ANKRD36: variants seen among roughly 807,000 people sequenced by gnomAD.
The protein encoded by ANKRD36 is ankyrin repeat domain 36, also known as ankyrin repeat domain-containing protein 36A.
ANKRD36 carries 179 observed loss-of-function variants against 278.1 expected under a neutral mutation model. The observed-to-expected ratio is 0.64, with a 90% CI of 0.57 to 0.73. The LOEUF (loss-of-function observed/expected upper bound fraction) is 0.73, where lower values mean the gene tolerates loss of function less well. Ranked by LOEUF, ANKRD36 falls within the 30% of genes least tolerant of loss-of-function variation. The probability of loss-of-function intolerance (pLI) is 0.00; values close to 1 mark genes in which losing one functional copy is unlikely to be tolerated. For synonymous variants in ANKRD36, 320 were observed against 641.1 expected, an observed-to-expected ratio of 0.50 and a Z score of 7.57; for missense variants, 1,159 against 1,956.7, an observed-to-expected ratio of 0.59 and a Z score of 7.69.
chr2:97,248,325 G>GT (rs2075571732), intron 72 of ANKRD36: 1 of 114,012 alleles, frequency 8.8e-6, no homozygotes, highest in Non-Finnish European at 1.5e-5. Context: ...CAAAGGATGG[G>GT]TTTGAGATGT....
intron 22 of ANKRD36, among the ~76,000 whole-genome samples, chr2:97,174,578 C>G (rs1463797740): frequency 1.3e-5 from 2 of 151,766 alleles, no homozygotes; most frequent in Non-Finnish European, 2.9e-5. Flanking sequence ...CAAACAGGGA[C>G]AATTTGACTT....
chr2:97,113,155 C>T lies in ANKRD36; in HGVS notation c.-585C>T, dbSNP rs1020411185. 6.6e-6 allele frequency among the ~76,000 whole-genome samples: 1 copy of T among 152,138 alleles called. No individual in the cohort carries two copies. The highest frequency in any genetic ancestry group is 2.1e-4 in the South Asian group (1 of 4,810). On this transcript the variant is annotated 5_prime_UTR_variant, in exon 1 of 76. Transcript: ENST00000420699. ...CCACGGGAGCCCCGCCAGCCCCCGC[C>T]GGAGCCCGAGCTGCAGTGCCGCCTA...
intron 40 of ANKRD36, 132 bp from the exon 41 acceptor site, chr2:97,196,461 A>G (rs1391181150): frequency 2.0e-6 from 3 of 1,508,302 alleles, no homozygotes; most frequent in Non-Finnish European, 9.0e-7. Context: ...GTCCCCAGAC[A>G]CAAAGTAGAA....
chr2:97,218,957 A>G, intron 64 of ANKRD36, 93 bp from the exon 65 acceptor site: 1 of 1,498,358 alleles, frequency 6.7e-7, no homozygotes, highest in Non-Finnish European at 9.0e-7. Flanking sequence ...AATACAGGCA[A>G]GAGTATTCAG....
At chr2:97,259,035 C>T (rs1271480828) in intron 75 of ANKRD36, among the ~76,000 whole-genome samples, 2 of 143,638 alleles carry the variant, frequency 1.4e-5, no homozygotes, top group Non-Finnish European at 3.0e-5. Context: ...CCATAATTGC[C>T]ATAGGCATTT....
At chr2:97,133,942 C>G (rs2040833931) in intron 6 of ANKRD36, among the ~76,000 whole-genome samples, 1 of 152,044 alleles carries the variant, frequency 6.6e-6, no homozygotes, top group Non-Finnish European at 1.5e-5. Flanking sequence ...CACCCAAAGT[C>G]CATAGTTTAT....
chr2:97,136,027 A>T (rs1251754435), intron 6 of ANKRD36, among the ~76,000 whole-genome samples: 2 of 151,826 alleles, frequency 1.3e-5, no homozygotes, highest in Non-Finnish European at 2.9e-5. Flanking sequence ...GGCAGCCTCC[A>T]GATGGCTTCA....
intron 42 of ANKRD36, among the ~76,000 whole-genome samples, chr2:97,197,916 T>C (rs550751628): frequency 2.3e-3 from 354 of 151,928 alleles, no homozygotes; most frequent in Non-Finnish European, 3.4e-3. Context: ...CTACTAGATA[T>C]CTGCAAACAT....
intron 36 of ANKRD36, 104 bp downstream of exon 36, chr2:97,191,285 A>G (rs2058462800): frequency 1.7e-5 from 21 of 1,269,364 alleles, no homozygotes; most frequent in Middle Eastern, 2.8e-4. Context: ...GCACATTATC[A>G]TTCAGCTGTC....
In ANKRD36 at chr2:97,144,698, A is replaced by G. The variant is rs2043805818; in HGVS notation, c.989A>G (p.Gln330Arg). 6.5e-7 allele frequency: 1 copy of G among 1,544,262 alleles called. No individual in the cohort carries two copies. Among genetic ancestry groups the G allele is most frequent in the Non-Finnish European group, 8.7e-7 (1 of 1,146,316 alleles). The change falls in exon 10 of 76, where the codon CAA (glutamine) becomes CGA (arginine). Residue 330 changes from glutamine (Q) to arginine (R), a missense_variant. Coordinates refer to ENST00000420699, the MANE Select transcript of ANKRD36 (RefSeq NM_001354587.1). ...SNTATEIKDEQKSGTVLPAVE... is the reference protein window; with the variant it reads ...SNTATEIKDERKSGTVLPAVE... ...ACAGCCACAGAAATAAAAGATGAAC[A>G]AAAATCTGGGACAGGTAATTTTGCA...
chr2:97,197,693 G>C (rs567532446), intron 42 of ANKRD36, among the ~76,000 whole-genome samples: 2 of 152,008 alleles, frequency 1.3e-5, no homozygotes, highest in Admixed American at 6.6e-5. Flanking sequence ...TGTGATTTCT[G>C]AATGAAAAAC....
rs1442751874 is a variant in ANKRD36, at chr2:97,152,438, T to C, written c.1163-66T>C. 6.7e-6 allele frequency: 9 copies of C among 1,334,616 alleles called. No individual in the cohort carries two copies. In the South Asian group the frequency reaches 1.2e-4, roughly 17 times the overall value. 82.7% of individuals were successfully genotyped at this position (1,334,616 alleles called of 1,614,324 possible). On this transcript the variant is annotated intron_variant, in intron 13 of 75. Coordinates refer to ENST00000420699, the MANE Select transcript of ANKRD36 (RefSeq NM_001354587.1). ...ATAGGAACAAGCCACTGTGCTCTTT[T>C]ATGTTTTTAGTATTCTATAGTGTTC...
At chr2:97,153,781 A>G (rs969718543) in intron 14 of ANKRD36, among the ~76,000 whole-genome samples, 6 of 147,886 alleles carry the variant, frequency 4.1e-5, no homozygotes, top group Admixed American at 2.7e-4. Context: ...TTGAAGATGT[A>G]GATTGGAGAT....
At chr2:97,144,036 A>C (rs199784901) in intron 8 of ANKRD36, among the ~76,000 whole-genome samples, 6 of 123,276 alleles carry the variant, frequency 4.9e-5, no homozygotes, top group Non-Finnish European at 7.3e-5. Context: ...TGTACATTCA[A>C]CTAAAGTGCC....
intron 54 of ANKRD36, among the ~76,000 whole-genome samples, chr2:97,208,647 G>A (rs1160971013): frequency 5.5e-5 from 8 of 146,438 alleles, no homozygotes; most frequent in Non-Finnish European, 1.2e-4. Context: ...ACACCACACT[G>A]ACCCATTACT....
At chr2:97,209,619 A>T in intron 54 of ANKRD36, 62 bp from the exon 55 acceptor site, 2 of 1,575,484 alleles carry the variant, frequency 1.3e-6, no homozygotes, top group South Asian at 1.1e-5. Flanking sequence ...ACACTGTGTG[A>T]ATGTATGGAT....
intron 67 of ANKRD36, among the ~76,000 whole-genome samples, chr2:97,226,184 C>A (rs1190005513): frequency 2.0e-5 from 3 of 151,308 alleles, no homozygotes; most frequent in African/African-American, 7.3e-5. Flanking sequence ...GTTCTAGATC[C>A]CTGAGGAATC....
intron 67 of ANKRD36, among the ~76,000 whole-genome samples, chr2:97,225,872 A>G (rs1389439240): frequency 1.3e-5 from 2 of 150,492 alleles, no homozygotes; most frequent in Admixed American, 1.3e-4. Flanking sequence ...GAGAACATGC[A>G]GTGTTTGGTT....
chr2:97,139,980 T>C (rs1473129735), intron 6 of ANKRD36, among the ~76,000 whole-genome samples: 1 of 151,936 alleles, frequency 6.6e-6, no homozygotes, highest in South Asian at 2.1e-4. Context: ...AAAAACACCC[T>C]GTAAAGCTGT....
Sources: gnomAD v4.1 joint callset for allele counts (sites outside exome capture counted in the v4.1 genomes callset) on GRCh38, gnomAD v4.1.1 for gene constraint, MANE v1.5 for transcripts, NCBI Gene and HGNC (gene_info 2026-07-23, HGNC 2026-07-21) for gene names.